ADGRD1: variants seen among roughly 807,000 people sequenced by gnomAD.
ADGRD1 encodes G-protein coupled receptor 133.
Under a neutral mutation model 113.4 loss-of-function variants are expected in ADGRD1, and 77 were observed. The observed-to-expected ratio is 0.68, with a 90% CI of 0.57 to 0.82. ADGRD1 has a LOEUF of 0.82. Ranked by LOEUF, ADGRD1 falls within the 40% of genes least tolerant of loss-of-function variation. The pLI is 0.00. For synonymous variants in ADGRD1, 474 were observed against 475.0 expected (o/e 1.00, Z 0.03); for missense variants, 1,036 against 1,139.1 (o/e 0.91, Z 1.30).
intron 13 of ADGRD1, among the ~76,000 whole-genome samples, chr12:131,074,538 G>A (rs919522434): frequency 1.3e-5 from 2 of 152,150 alleles, no homozygotes; most frequent in Non-Finnish European, 2.9e-5. Context: ...TGGGCTGTGA[G>A]CACCTCCCAC....
chr12:130,962,310 G>A (rs1870457266), intron 2 of ADGRD1: 2 of 152,198 alleles, frequency 1.3e-5, no homozygotes, highest in African/African-American at 4.8e-5. Context: ...GCTGGCTTTG[G>A]GGTGAACGAG....
chr12:130,986,896 G>C lies in ADGRD1; in HGVS notation c.491-199G>C, dbSNP rs1873758360. On this transcript the variant is annotated intron_variant, in intron 5 of 24. Transcript: ENST00000261654. ...CTGCTTCTGGAATTTAGGGCATAAGGACAAAAAGATAACATCCTTCCTGTG... is the reference window on the plus strand; with the variant it reads ...CTGCTTCTGGAATTTAGGGCATAAGCACAAAAAGATAACATCCTTCCTGTG... 3 of 575,920 alleles carry C rather than the reference G, an allele frequency of 5.2e-6. No homozygotes were observed. In the East Asian group the frequency reaches 8.4e-5, roughly 16 times the overall value. 35.7% of individuals were successfully genotyped at this position (575,920 alleles called of 1,614,324 possible). A position where few individuals can be genotyped will look rare whatever the true frequency, so the allele number is the denominator to read the frequency against.
At position 130,982,121 on chromosome 12, in the gene ADGRD1, G is replaced by T. The variant is rs920590762; in HGVS notation, c.490+58G>T. On this transcript the variant is annotated intron_variant, in intron 5 of 24. Coordinates refer to ENST00000261654, the MANE Select transcript of ADGRD1 (RefSeq NM_198827.5). ...CCTGGAGGAGTGGAGTCTTCTCTGA[G>T]AATGGACGCTGAGAAGCCCAACGCA... 3.4e-6 allele frequency: 5 copies of T among 1,454,776 alleles called. No individual in the cohort carries two copies. In the Admixed American group the frequency reaches 5.7e-5, roughly 17 times the overall value. 90.1% of individuals were successfully genotyped at this position (1,454,776 alleles called of 1,614,324 possible).
At chr12:131,117,557 G>T (rs1304278453) in intron 18 of ADGRD1, among the ~76,000 whole-genome samples, 2 of 152,126 alleles carry the variant, frequency 1.3e-5, no homozygotes. Flanking sequence ...CAGCAGTTTC[G>T]AAGAAAGCCC....
chr12:131,128,996 C>T lies in ADGRD1; in HGVS notation c.2176-2729C>T, dbSNP rs113421970. On this transcript the variant is annotated intron_variant, in intron 20 of 24. Transcript: ENST00000261654. ...CCTGTCTGGGTGTGAGTGGCAGCCC[C>T]GCCCTGCTGTCTGGTGTGAGTGACA... Among the ~76,000 whole-genome samples, 49 of 106,070 alleles carry T rather than the reference C, an allele frequency of 4.6e-4. 1 individual carries two copies. In the South Asian group the frequency reaches 0.014, roughly 30 times the overall value. The allele number at this position is 106,070 out of a possible 152,430, so 69.6% of individuals were successfully genotyped here.
chr12:131,062,951 A>T (rs12297369), intron 13 of ADGRD1, among the ~76,000 whole-genome samples: 9 of 152,056 alleles, frequency 5.9e-5, no homozygotes, highest in African/African-American at 1.9e-4. Flanking sequence ...TGTTCTCATC[A>T]TGGTCTTAAT....
chr12:131,020,806 C>T lies in ADGRD1; in HGVS notation c.1473+6466C>T, dbSNP rs889077506. ...AGGTGTGGCTCTCAGGGGCCAGGCC[C>T]GGGATGGCCAGTGTGAGGAGCAGCC... On this transcript the variant is annotated intron_variant, in intron 13 of 24. Transcript: ENST00000261654. Among the ~76,000 whole-genome samples, 7 of 152,204 alleles carry T rather than the reference C, an allele frequency of 4.6e-5. No individual in the cohort carries two copies. The East Asian group carries it at 9.6e-4, about 21-fold the overall frequency.
At chr12:131,074,131 C>G (rs773351084) in intron 13 of ADGRD1, among the ~76,000 whole-genome samples, 1 of 152,184 alleles carries the variant, frequency 6.6e-6, no homozygotes, top group African/African-American at 2.4e-5. Flanking sequence ...GTACCTTGCT[C>G]ATGAACAGTA....
At chr12:130,961,501 T>G (rs1870357040) in intron 2 of ADGRD1, among the ~76,000 whole-genome samples, 1 of 152,118 alleles carries the variant, frequency 6.6e-6, no homozygotes, top group Non-Finnish European at 1.5e-5. Context: ...GGGGTTGTTT[T>G]GGAGTCCTCA....
In ADGRD1 at chr12:131,069,610, TGA is replaced by T. The variant is rs1884996509; in HGVS notation, c.1474-7189_1474-7188del. The T allele has an allele frequency of 2.6e-5, 4 of 152,500 alleles. No individual in the cohort carries two copies. In the South Asian group the frequency reaches 8.3e-4, roughly 32 times the overall value. 9.4% of individuals were successfully genotyped at this position (152,500 alleles called of 1,614,324 possible). A position where few individuals can be genotyped will look rare whatever the true frequency, so the allele number is the denominator to read the frequency against. On this transcript the variant is annotated intron_variant, in intron 13 of 24. Coordinates refer to ENST00000261654, the MANE Select transcript of ADGRD1 (RefSeq NM_198827.5). Reference sequence around the variant, plus strand: ...CTCAGTGGAGGCTTCTAGCAGCCTGTGAGGGGGTGTTAGAGATGTCTGGATGC... The same window carrying T: ...CTCAGTGGAGGCTTCTAGCAGCCTGTGGGGGTGTTAGAGATGTCTGGATGC...
chr12:131,004,392 G>GATGCGGTGCTCCCCCGGGCCGC, intron 11 of ADGRD1, 96 bp downstream of exon 11: 2 of 790,718 alleles, frequency 2.5e-6, no homozygotes, highest in Non-Finnish European at 4.2e-6. Context: ...GCGCCAGGGA[G>GATGCGGTGCTCCCCCGGGCCGC]CTGCGGTGCT....
chr12:131,005,102 G>T (rs773765012), intron 11 of ADGRD1, among the ~76,000 whole-genome samples: 1 of 152,220 alleles, frequency 6.6e-6, no homozygotes, highest in Non-Finnish European at 1.5e-5. Context: ...GCAGTGGGGA[G>T]CCTGTCTCTG....
At chr12:131,118,030 G>A (rs1443494310) in intron 18 of ADGRD1, among the ~76,000 whole-genome samples, 1 of 152,196 alleles carries the variant, frequency 6.6e-6, no homozygotes, top group Non-Finnish European at 1.5e-5. Flanking sequence ...GGGCCACCTT[G>A]GCCCTGGTTG....
chr12:131,072,597 C>G (rs1304485437), intron 13 of ADGRD1, among the ~76,000 whole-genome samples: 1 of 152,190 alleles, frequency 6.6e-6, no homozygotes, highest in Non-Finnish European at 1.5e-5. Flanking sequence ...GTGCACATGT[C>G]AGCACCATGT....
intron 13 of ADGRD1, among the ~76,000 whole-genome samples, chr12:131,065,838 A>G (rs1298433786): frequency 6.6e-6 from 1 of 152,060 alleles, no homozygotes; most frequent in African/African-American, 2.4e-5. Flanking sequence ...CTTACCACAG[A>G]CTCTGAATTT....
Position 131,014,326 on chromosome 12 carries a change from C to G in ADGRD1, c.1459C>G (p.Leu487Val), listed in dbSNP as rs766568862. 2.5e-6 allele frequency: 4 copies of G among 1,613,158 alleles called. No homozygotes were observed. Among genetic ancestry groups the G allele is most frequent in the Non-Finnish European group, 3.4e-6 (4 of 1,179,534 alleles). The change falls in exon 13 of 25, where the codon CTC becomes GTC. Residue 487 changes from leucine to valine, a missense_variant. By Grantham distance (32) the Leu-to-Val change is conservative (BLOSUM62 1). Transcript: ENST00000261654. ...GGGCTCTCCACTCATTACGGTCCAC[C>G]TCAAGCACAGATTGGTGAGTGGCGG... ...LSGSPLITVH[L>V]KHRLTRKQHS... is the part of the protein sequence containing the mutation.
chr12:131,045,947 G>A (rs374759741), intron 13 of ADGRD1, among the ~76,000 whole-genome samples: 2 of 151,686 alleles, frequency 1.3e-5, no homozygotes, highest in East Asian at 3.9e-4. Context: ...GCCCTGGTTG[G>A]TGCTCCCTCC....
At chr12:131,093,887 C>A (rs1231849125) in intron 15 of ADGRD1, among the ~76,000 whole-genome samples, 1 of 152,138 alleles carries the variant, frequency 6.6e-6, no homozygotes, top group Admixed American at 6.5e-5. Flanking sequence ...CCTTGTGGAG[C>A]TGTGGTGGTG....
intron 13 of ADGRD1, among the ~76,000 whole-genome samples, chr12:131,037,138 G>A (rs189484181): frequency 1.4e-5 from 2 of 141,092 alleles, no homozygotes; most frequent in African/African-American, 2.7e-5. Flanking sequence ...ACTGCACCGG[G>A]CCTCACTCAC....
Sources: allele counts gnomAD v4.1 joint callset (sites outside exome capture counted in the v4.1 genomes callset), GRCh38; gene constraint gnomAD v4.1.1; transcripts MANE v1.5; gene names NCBI Gene and HGNC (gene_info 2026-07-23, HGNC 2026-07-21).